The following TACC2 variants were observed in gnomAD, a reference collection of about 807,000 sequenced individuals.
TACC2 encodes transforming acidic coiled-coil-containing protein 2.
A neutral mutation model predicts 227.3 loss-of-function variants in TACC2; 137 were observed. The ratio of observed to expected loss-of-function variants is 0.60; its 90% confidence interval spans 0.52 to 0.69. The LOEUF is 0.69. Among genes scored for constraint, TACC2 ranks in the 30% least tolerant of loss-of-function variants. TACC2 has a pLI of 0.00. For missense variants in TACC2, 3,470 were observed against 3,694.4 expected, an observed-to-expected ratio of 0.94 and a Z score of 1.57; for synonymous variants, 1,523 against 1,487.5, an observed-to-expected ratio of 1.02 and a Z score of -0.55.
chr10:122,158,634 G>A (rs1338381231), intron 7 of TACC2, among the ~76,000 whole-genome samples: 1 of 152,118 alleles, frequency 6.6e-6, no homozygotes, highest in Non-Finnish European at 1.5e-5. Flanking sequence ...TGGTGAAGGT[G>A]GTAGAAAGAG....
At chr10:122,132,064 GA>G (rs72074453) in intron 5 of TACC2, among the ~76,000 whole-genome samples, 2 of 47,444 alleles carry the variant, frequency 4.2e-5, no homozygotes, top group East Asian at 1.4e-3. Context: ...AAGAAAGAAA[GA>G]AAAAGAAAGA....
At chr10:122,097,343 AG>A (rs999813734) in intron 5 of TACC2, among the ~76,000 whole-genome samples, 27 of 152,094 alleles carry the variant, frequency 1.8e-4, no homozygotes, top group African/African-American at 6.5e-4. Context: ...CTCAAAGAAA[AG>A]GAGGAAGAAG....
rs199882397 is a variant in TACC2 at position 122,088,611 on chromosome 10, C to T, written c.5573+20C>T. 1.3e-4 allele frequency: 206 copies of T among 1,606,594 alleles called. No homozygotes were observed. In the East Asian group the frequency reaches 4.5e-3, roughly 35 times the overall value. ...AGAAAGGTCAGCGAAAGATATTGGT[C>T]TTTGGAAGGCCATGATGCCTTCCTT... On this transcript the variant is annotated intron_variant, in intron 5 of 22. Coordinates refer to ENST00000369005, the MANE Select transcript of TACC2 (RefSeq NM_206862.4).
At chr10:122,251,324 C>G (rs1390198416) in intron 22 of TACC2, among the ~76,000 whole-genome samples, 1 of 152,152 alleles carries the variant, frequency 6.6e-6, no homozygotes, top group Non-Finnish European at 1.5e-5. Flanking sequence ...TGTTCAACTA[C>G]CTGTTTTGTA....
At chr10:122,229,597 G>A (rs939822915) in intron 15 of TACC2, 111 bp downstream of exon 15, 16 of 1,250,610 alleles carry the variant, frequency 1.3e-5, no homozygotes, top group Admixed American at 8.0e-5. Context: ...TGCCGAGAAC[G>A]TTCCCAGTGA....
rs1323286572 is a variant in TACC2 at position 122,203,237 on chromosome 10, C to T, written c.5972-7160C>T. 1.1e-4 allele frequency among the ~76,000 whole-genome samples: 16 copies of T among 147,636 alleles called. No homozygotes were observed. The East Asian group carries it at 2.3e-3, about 21-fold the overall frequency. On this transcript the variant is annotated intron_variant, in intron 8 of 22. Coordinates refer to ENST00000369005, the MANE Select transcript of TACC2 (RefSeq NM_206862.4). ...CTCCTCATTTCCCAGTAGGGGCGGC[C>T]GGGCAGAGGCACCCCTCACCTCCCG... is the stretch of plus-strand genomic sequence containing the variant.
chr10:122,232,501 T>C (rs1167632343), intron 16 of TACC2, among the ~76,000 whole-genome samples: 2 of 152,186 alleles, frequency 1.3e-5, no homozygotes, highest in African/African-American at 4.8e-5. Flanking sequence ...AATAGAGTCA[T>C]GTGTGTTCAT....
At chr10:122,231,330 A>G (rs2095743748) in intron 16 of TACC2, among the ~76,000 whole-genome samples, 1 of 147,142 alleles carries the variant, frequency 6.8e-6, no homozygotes, top group African/African-American at 2.5e-5. Context: ...CAGCCCGATG[A>G]ACCTGGTGTG....
At position 122,241,731 on chromosome 10, in the gene TACC2, T is replaced by C. The variant is rs1219768884; in HGVS notation, c.8349-227T>C. ...GCATGCACCACTCTACCTGGTTTGA[T>C]TTTTTTTCTTAGTGGGCAGTGAGGG... On this transcript the variant is annotated intron_variant, in intron 18 of 22. Coordinates refer to ENST00000369005, the MANE Select transcript of TACC2 (RefSeq NM_206862.4). The C allele has an allele frequency of 5.2e-6, 3 of 577,858 alleles. No individual in the cohort carries two copies. The South Asian group carries it at 6.4e-5, about 12-fold the overall frequency. 35.8% of individuals were successfully genotyped at this position (577,858 alleles called of 1,614,324 possible).
intron 2 of TACC2, among the ~76,000 whole-genome samples, chr10:122,039,227 T>G (rs886090061): frequency 1.3e-5 from 2 of 152,130 alleles, no homozygotes; most frequent in Non-Finnish European, 2.9e-5. Flanking sequence ...CTGTTCACCT[T>G]GGCCTCCCAA....
At chr10:122,246,072 C>T (rs1485309869) in intron 19 of TACC2, among the ~76,000 whole-genome samples, 2 of 152,130 alleles carry the variant, frequency 1.3e-5, no homozygotes, top group Admixed American at 6.5e-5. Flanking sequence ...GAAGGATATT[C>T]GGCATCTTCA....
intron 2 of TACC2, among the ~76,000 whole-genome samples, chr10:122,043,575 TCTTC>T (rs1290154970): frequency 8.3e-3 from 91 of 10,914 alleles, no homozygotes; most frequent in African/African-American, 0.013. Context: ...TCTCTTTCTT[TCTTC>T]CTTTCTTCCT....
intron 1 of TACC2, among the ~76,000 whole-genome samples, chr10:122,012,825 G>T (rs892963163): frequency 3.0e-4 from 45 of 152,264 alleles, no homozygotes; most frequent in African/African-American, 1.0e-3. Context: ...CCATGTGGGG[G>T]TGCTGCAGGA....
intron 7 of TACC2, among the ~76,000 whole-genome samples, chr10:122,168,222 C>G (rs577277936): frequency 2.0e-5 from 3 of 152,232 alleles, no homozygotes; most frequent in African/African-American, 7.2e-5. Flanking sequence ...TTTTTCAAGG[C>G]TTTGTTTCTT....
intron 6 of TACC2, among the ~76,000 whole-genome samples, chr10:122,136,702 C>T (rs1394737224): frequency 4.0e-5 from 6 of 151,662 alleles, no homozygotes; most frequent in Non-Finnish European, 7.4e-5. Flanking sequence ...TACAGGCGTG[C>T]ACCACCATGT....
intron 5 of TACC2, among the ~76,000 whole-genome samples, chr10:122,114,625 G>A (rs2084308800): frequency 1.3e-5 from 2 of 152,256 alleles, no homozygotes; most frequent in South Asian, 4.2e-4. Context: ...CAGCAAATAG[G>A]CCAGCAGCCA....
At position 122,141,688 on chromosome 10, in the gene TACC2, C is replaced by CG. The variant is rs201334978; in HGVS notation, c.5700-1884_5700-1883insG. 2.6e-5 allele frequency among the ~76,000 whole-genome samples: 4 copies of CG among 151,970 alleles called. No homozygotes were observed. The highest frequency in any genetic ancestry group is 6.6e-5 in the Admixed American group (1 of 15,258). On this transcript the variant is annotated intron_variant, in intron 6 of 22. Coordinates refer to ENST00000369005, the MANE Select transcript of TACC2 (RefSeq NM_206862.4). The surrounding 1 kb of genome is among the most constrained non-coding windows in gnomAD (Gnocchi z 4.3). ...CAGATCTAAGGTAGCATCTCCCCCC[C>CG]ACCCGCCACTGTTTTCTAAGACAGA... is the stretch of plus-strand genomic sequence containing the variant.
chr10:122,122,735 T>A (rs929353903), intron 5 of TACC2, among the ~76,000 whole-genome samples: 4 of 152,244 alleles, frequency 2.6e-5, no homozygotes, highest in Non-Finnish European at 4.4e-5. Context: ...TTCTTCGCCC[T>A]CTTAAGGGGA....
chr10:121,995,094 G>A (rs11200311), intron 1 of TACC2, among the ~76,000 whole-genome samples: 23,305 of 152,210 alleles, frequency 0.15, 2,197 homozygotes, highest in Admixed American at 0.24. Flanking sequence ...CTAAGGCCCT[G>A]AGGGTTTGTA....
Sources: allele counts gnomAD v4.1 joint callset (sites outside exome capture counted in the v4.1 genomes callset), GRCh38; gene constraint gnomAD v4.1.1; non-coding constraint Gnocchi (gnomAD v3.1); transcripts MANE v1.5; gene names NCBI Gene and HGNC (gene_info 2026-07-23, HGNC 2026-07-21).